EXT1: variants seen among roughly 807,000 people sequenced by gnomAD.
EXT1 encodes the protein exostosin glycosyltransferase 1.
A neutral mutation model predicts 82.5 loss-of-function variants in EXT1; 20 were observed. The observed-to-expected ratio is 0.24, with a 90% CI of 0.17 to 0.35. The LOEUF (loss-of-function observed/expected upper bound fraction) is 0.35, where lower values mean the gene tolerates loss of function less well. Among genes scored for constraint, EXT1 ranks in the 10% least tolerant of loss-of-function variants. The pLI is 1.00. For synonymous variants in EXT1, 348 were observed against 350.8 expected (o/e 0.99, Z 0.09); for missense variants, 757 against 936.5 (o/e 0.81, Z 2.50).
At position 117,835,532 on chromosome 8, in the gene EXT1, A is replaced by G. The variant is rs549241569; in HGVS notation, c.1076T>C (p.Met359Thr). The part of the protein sequence containing the change: ...EALQAACVPV[M>T]LSNGWELPFS... ...TGGCAACTCCCATCCATTGCTGAGC[A>G]TCACAGGGACGCAGGCAGCCTGAGC... The change falls in exon 3 of 11, where the codon ATG becomes ACG. Residue 359 changes from methionine to threonine, a missense_variant. Transcript: ENST00000378204. 1 of 1,614,040 alleles carries G rather than the reference A, an allele frequency of 6.2e-7. No individual in the cohort carries two copies. The highest frequency in any genetic ancestry group is 1.3e-5 in the African/African-American group (1 of 74,942).
intron 1 of EXT1, among the ~76,000 whole-genome samples, chr8:118,009,421 T>C (rs995107302): frequency 6.6e-6 from 1 of 151,946 alleles, no homozygotes; most frequent in Non-Finnish European, 1.5e-5. Flanking sequence ...AGAGGGAAAG[T>C]TGAGAAAAGG....
chr8:117,883,996 A>C (rs1813106055), intron 1 of EXT1, among the ~76,000 whole-genome samples: 2 of 152,268 alleles, frequency 1.3e-5, no homozygotes, highest in South Asian at 4.1e-4. Flanking sequence ...TCACTTGGGG[A>C]TTTGGAGAGA....
chr8:118,102,920 C>T (rs1817747106), intron 1 of EXT1, among the ~76,000 whole-genome samples: 1 of 151,874 alleles, frequency 6.6e-6, no homozygotes, highest in African/African-American at 2.4e-5. Flanking sequence ...TTTGGGAGGC[C>T]GAGGTGGGCG....
At chr8:117,932,720 G>A (rs952724583) in intron 1 of EXT1, among the ~76,000 whole-genome samples, 3 of 152,114 alleles carry the variant, frequency 2.0e-5, no homozygotes, top group Non-Finnish European at 4.4e-5. Flanking sequence ...GAAATCCATG[G>A]CTTTGCTTAG....
chr8:118,018,459 C>T (rs1816039802), intron 1 of EXT1, among the ~76,000 whole-genome samples: 1 of 152,162 alleles, frequency 6.6e-6, no homozygotes, highest in Non-Finnish European at 1.5e-5. Context: ...CTCCCTCTAA[C>T]AGCCCACGGA....
chr8:117,906,125 T>A (rs4876768), intron 1 of EXT1, among the ~76,000 whole-genome samples: 143,698 of 152,242 alleles, frequency 0.94, 68,199 homozygotes, highest in Non-Finnish European at 1. Context: ...ATCCCTCGTA[T>A]TTCTTACAGC....
chr8:118,021,269 C>G (rs1444453100), intron 1 of EXT1, among the ~76,000 whole-genome samples: 1 of 152,252 alleles, frequency 6.6e-6, no homozygotes, highest in East Asian at 1.9e-4. Context: ...GGTTTTTGTT[C>G]TGACCACTAA....
At chr8:117,826,251 A>G (rs1812006640) in intron 4 of EXT1, among the ~76,000 whole-genome samples, 1 of 152,206 alleles carries the variant, frequency 6.6e-6, no homozygotes, top group African/African-American at 2.4e-5. Context: ...AGAGAAAATG[A>G]GATGTCCTGT....
At chr8:118,022,320 T>C (rs1298063664) in intron 1 of EXT1, among the ~76,000 whole-genome samples, 1 of 143,762 alleles carries the variant, frequency 7.0e-6, no homozygotes, top group Non-Finnish European at 1.5e-5. Context: ...CGGGCGCATA[T>C]ATATTCTTTT....
intron 1 of EXT1, among the ~76,000 whole-genome samples, chr8:118,099,331 G>A (rs1416755881): frequency 6.6e-6 from 1 of 152,188 alleles, no homozygotes; most frequent in Non-Finnish European, 1.5e-5. Flanking sequence ...GTTACCAGCT[G>A]TCCTTTCTTC....
At chr8:117,824,099 C>G (rs889432902) in intron 4 of EXT1, among the ~76,000 whole-genome samples, 33 of 148,144 alleles carry the variant, frequency 2.2e-4, no homozygotes, top group African/African-American at 8.1e-4. Context: ...CTCTTTAGAT[C>G]CTCCTTTTTT....
At chr8:118,062,123 G>A (rs748865990) in intron 1 of EXT1, among the ~76,000 whole-genome samples, 5 of 151,796 alleles carry the variant, frequency 3.3e-5, no homozygotes, top group South Asian at 2.1e-4. Flanking sequence ...CTGAAGAAAC[G>A]TGGACACGTG....
chr8:118,040,598 T>C (rs1816511212), intron 1 of EXT1, among the ~76,000 whole-genome samples: 1 of 152,198 alleles, frequency 6.6e-6, no homozygotes, highest in Non-Finnish European at 1.5e-5. Flanking sequence ...AGACCACTGA[T>C]ATGTCTGTGG....
At chr8:118,066,453 G>A (rs563900518) in intron 1 of EXT1, among the ~76,000 whole-genome samples, 20 of 151,484 alleles carry the variant, frequency 1.3e-4, no homozygotes, top group African/African-American at 3.4e-4. Context: ...TCCGCCTCCC[G>A]GTTCAAGCGA....
chr8:117,877,260 G>T (rs1812987127), intron 1 of EXT1, among the ~76,000 whole-genome samples: 1 of 152,168 alleles, frequency 6.6e-6, no homozygotes, highest in Non-Finnish European at 1.5e-5. Context: ...CTGAATTAAT[G>T]AGGAACCAGA....
chr8:117,825,665 C>T (rs571156921), intron 4 of EXT1, among the ~76,000 whole-genome samples: 1 of 152,106 alleles, frequency 6.6e-6, no homozygotes, highest in East Asian at 1.9e-4. Context: ...TCTATGTAGC[C>T]CTTCATCTTT....
intron 1 of EXT1, among the ~76,000 whole-genome samples, chr8:117,877,151 C>T (rs1812985642): frequency 6.6e-6 from 1 of 152,168 alleles, no homozygotes; most frequent in African/African-American, 2.4e-5. Flanking sequence ...TCCTTTTAGT[C>T]AGTTCATCTT....
At chr8:118,005,527 C>T (rs1427057294) in intron 1 of EXT1, among the ~76,000 whole-genome samples, 1 of 152,140 alleles carries the variant, frequency 6.6e-6, no homozygotes, top group Non-Finnish European at 1.5e-5. Context: ...GCAACTCTAT[C>T]GGATATGAAT....
At chr8:117,948,087 T>TA in intron 1 of EXT1, among the ~76,000 whole-genome samples, 1 of 152,238 alleles carries the variant, frequency 6.6e-6, no homozygotes, top group East Asian at 1.9e-4. Context: ...TTAATTTATA[T>TA]CCTACCTCTT....
Sources: allele counts gnomAD v4.1 joint callset (sites outside exome capture counted in the v4.1 genomes callset), GRCh38; gene constraint gnomAD v4.1.1; transcripts MANE v1.5; gene names NCBI Gene and HGNC (gene_info 2026-07-23, HGNC 2026-07-21).